FHDC1: variants seen among roughly 807,000 people sequenced by gnomAD.
FHDC1 encodes the protein FH2 domain containing 1, also known as FH2 domain-containing protein 1.
In FHDC1, 25 loss-of-function variants were observed where a neutral mutation model predicts 52.6. The ratio of observed to expected loss-of-function variants is 0.48; its 90% CI spans 0.35 to 0.66. The LOEUF (loss-of-function observed/expected upper bound fraction) is 0.66. Among genes scored for constraint, FHDC1 ranks in the 30% least tolerant of loss-of-function variants. The pLI, the probability that FHDC1 is intolerant of heterozygous loss-of-function variation, is 0.01. For synonymous variants in FHDC1, 616 were observed against 581.5 expected, an observed-to-expected ratio of 1.06 and a Z score of -0.85; for missense variants, 1,459 against 1,452.8, an observed-to-expected ratio of 1.00 and a Z score of -0.07.
intron 1 of FHDC1, among the ~76,000 whole-genome samples, chr4:152,941,392 T>G (rs566834472): frequency 6.6e-6 from 1 of 152,344 alleles, no homozygotes; most frequent in South Asian, 2.1e-4. Flanking sequence ...TAAAGGGAAA[T>G]TATATGCACA....
In FHDC1 at chr4:152,976,915, A is replaced by C; in HGVS notation, c.*192A>C. ...AGCCTGCTGTGCTGAGCCCTGCTGC[A>C]GTCCAGCGTCCAGATGGATGCACGT... On this transcript the variant is annotated 3_prime_UTR_variant, in exon 12 of 12. Transcript: ENST00000511601. 1.6e-6 allele frequency: 1 copy of C among 617,034 alleles called. No individual in the cohort carries two copies. The highest frequency in any genetic ancestry group is 2.5e-6 in the Non-Finnish European group (1 of 400,014). 38.2% of individuals were successfully genotyped at this position (617,034 alleles called of 1,614,324 possible). A position where few individuals can be genotyped will look rare whatever the true frequency, so the allele number is the denominator to read the frequency against.
At chr4:152,963,816 A>G (rs1444537839) in intron 8 of FHDC1, among the ~76,000 whole-genome samples, 4 of 95,538 alleles carry the variant, frequency 4.2e-5, no homozygotes, top group African/African-American at 8.1e-5. Flanking sequence ...CTGGATCTCT[A>G]TAACACCAAA....
chr4:152,932,633 T>C (rs2149929459), upstream of FHDC1, among the ~76,000 whole-genome samples: 1 of 152,320 alleles, frequency 6.6e-6, no homozygotes, highest in Non-Finnish European at 1.5e-5. Flanking sequence ...AAAGATAGCC[T>C]AGAATCTTAA....
intron 2 of FHDC1, among the ~76,000 whole-genome samples, chr4:152,947,810 A>AAGAG (rs3076048): frequency 2.7e-5 from 4 of 150,024 alleles, no homozygotes; most frequent in African/African-American, 4.9e-5. Context: ...AAGACCACAG[A>AAGAG]AGAGAGAGAG....
rs1227733580 is a variant in FHDC1, at chr4:152,974,898, C to G, written c.1607C>G (p.Thr536Ser). 3 of 1,608,648 alleles carry G rather than the reference C, an allele frequency of 1.9e-6. No homozygotes were observed. Among genetic ancestry groups the G allele is most frequent in the Admixed American group, 1.7e-5 (1 of 59,810 alleles). ...PSSPSYRPPN[T>S]RRSRLSLGPS... ...AGCCCCTCCTACCGGCCCCCGAACA[C>G]CCGCCGCTCCCGCCTCTCCCTGGGT... The change falls in exon 12 of 12, where the codon ACC becomes AGC. Residue 536 changes from threonine to serine, a missense_variant. Thr to Ser is a moderately conservative substitution (Grantham distance 58). Around this residue, in one of 3 missense-constraint regions of FHDC1, gnomAD observed 939 missense variants for 854.5 expected, o/e 1.10. Transcript: ENST00000511601.
At position 152,976,227 on chromosome 4, in the gene FHDC1, G is replaced by A. The variant is rs1180844053; in HGVS notation, c.2936G>A (p.Gly979Asp). ...PGRDVPLQPR[G>D]SFKKPSAKPL... ...AGGGACGTTCCCCTGCAGCCCAGGG[G>A]TTCTTTCAAGAAGCCCAGTGCCAAA... is the stretch of plus-strand genomic sequence containing the variant. Residue 979 changes from glycine to aspartate, a missense_variant, in exon 12 of 12, where the codon GGT becomes GAT. By Grantham distance (94) the Gly-to-Asp change is moderately conservative. Around this residue, in one of 3 missense-constraint regions of FHDC1, gnomAD observed 939 missense variants for 854.5 expected, o/e 1.10. Coordinates refer to ENST00000511601, the MANE Select transcript of FHDC1 (RefSeq NM_001371116.1). 1 of 1,613,126 alleles carries A rather than the reference G, an allele frequency of 6.2e-7. No individual in the cohort carries two copies. Among genetic ancestry groups the A allele is most frequent in the Admixed American group, 1.7e-5 (1 of 60,032 alleles).
intron 9 of FHDC1, among the ~76,000 whole-genome samples, chr4:152,966,577 G>A (rs923024199): frequency 2.6e-5 from 4 of 151,758 alleles, no homozygotes; most frequent in Admixed American, 1.3e-4. Context: ...CTCCTGCATC[G>A]GCCTCCCAAG....
the FHDC1 span, among the ~76,000 whole-genome samples, chr4:152,913,688 TA>T: frequency 3.9e-5 from 6 of 152,154 alleles, no homozygotes; most frequent in South Asian, 2.1e-4. Context: ...TTTATTTATT[TA>T]TTTTTTTTGA....
chr4:152,974,619 A>G, intron 11 of FHDC1, 56 bp from the exon 12 acceptor site: 1 of 1,493,228 alleles, frequency 6.7e-7, no homozygotes, highest in Non-Finnish European at 8.9e-7. Flanking sequence ...TGGCTCTGGA[A>G]CTGCACATTG....
intron 4 of FHDC1, among the ~76,000 whole-genome samples, chr4:152,958,556 T>C (rs73863325): frequency 0.04 from 6,144 of 152,292 alleles, 420 homozygotes; most frequent in African/African-American, 0.14. Context: ...AGTTACAGTT[T>C]AGCACATGTT....
chr4:152,921,579 T>A, the FHDC1 span, among the ~76,000 whole-genome samples: 1 of 142,834 alleles, frequency 7.0e-6, no homozygotes, highest in Non-Finnish European at 1.5e-5. Context: ...CCTTCCTTCC[T>A]TCCTTCCTCC....
At chr4:152,962,940 GGTGTGTGTGTGTGTGTGTGTGT>G (rs34181980) in intron 7 of FHDC1, 56 bp downstream of exon 7, 17 of 936,382 alleles carry the variant, frequency 1.8e-5, no homozygotes, top group Non-Finnish European at 2.3e-5. Context: ...TCTATCTAAA[GGTGTGTGTGTGTGTGTGTGTGT>G]GTGTGTGTGT....
At chr4:152,932,267 A>G (rs1739265965), upstream of FHDC1, among the ~76,000 whole-genome samples, 1 of 151,822 alleles carries the variant, frequency 6.6e-6, no homozygotes, top group African/African-American at 2.4e-5. Context: ...ATAAAGTATT[A>G]TTTTTCAGTT....
In FHDC1 at chr4:152,978,213, T is replaced by C. The variant is rs1317656740; in HGVS notation, c.*1490T>C. On this transcript the variant is annotated 3_prime_UTR_variant, in exon 12 of 12. Coordinates refer to ENST00000511601, the MANE Select transcript of FHDC1 (RefSeq NM_001371116.1). ...TCCATTCGTGTGTCTGTTATAAAAC[T>C]GAGTGAAGGCTGCTATGACCTGTGT... is the stretch of plus-strand genomic sequence containing the variant. 6.6e-6 allele frequency: 1 copy of C among 152,268 alleles called. No individual in the cohort carries two copies. The highest frequency in any genetic ancestry group is 1.9e-4 in the East Asian group (1 of 5,206). The allele number at this position is 152,268 out of a possible 1,614,324, so 9.4% of individuals were successfully genotyped here.
At chr4:152,972,663 C>A in intron 11 of FHDC1, 122 bp downstream of exon 11, 3 of 1,177,836 alleles carry the variant, frequency 2.5e-6, no homozygotes, top group Non-Finnish European at 3.5e-6. Context: ...GGACATCTGG[C>A]CCAGGTGGTA....
the FHDC1 span, among the ~76,000 whole-genome samples, chr4:152,930,997 A>ACACACT: frequency 0.017 from 1,914 of 113,072 alleles, 22 homozygotes; most frequent in African/African-American, 0.044. Flanking sequence ...ACACACACAC[A>ACACACT]CTCTCTCTCT....
Position 152,938,905 on chromosome 4 carries a change from A to G in FHDC1, c.-131+2496A>G, listed in dbSNP as rs546163813. 5.6e-3 allele frequency among the ~76,000 whole-genome samples: 844 copies of G among 150,432 alleles called. 2 individuals carry two copies. The highest frequency in any genetic ancestry group is 0.012 in the African/African-American group (513 of 41,086). ...ACCACTCATTCTGAGCACCAGGACCACTGGTGCAGAACCACTCATTCTGAG... is the reference window on the plus strand; with the variant it reads ...ACCACTCATTCTGAGCACCAGGACCGCTGGTGCAGAACCACTCATTCTGAG... On this transcript the variant is annotated intron_variant, in intron 1 of 11. Transcript: ENST00000511601.
chr4:152,912,405 C>A, the FHDC1 span: 1 of 152,164 alleles, frequency 6.6e-6, no homozygotes, highest in Admixed American at 6.5e-5. Context: ...TATACAAGCT[C>A]TATTTTGAAT....
chr4:152,940,690 A>G (rs559022707), intron 1 of FHDC1, among the ~76,000 whole-genome samples: 4 of 152,354 alleles, frequency 2.6e-5, no homozygotes, highest in Admixed American at 1.3e-4. Flanking sequence ...TAACAGGGAT[A>G]ATCTATAAAT....
Sources: allele counts gnomAD v4.1 joint callset (sites outside exome capture counted in the v4.1 genomes callset), GRCh38; gene constraint gnomAD v4.1.1; regional missense constraint gnomAD v4.1.1; transcripts MANE v1.5; gene names NCBI Gene and HGNC (gene_info 2026-07-23, HGNC 2026-07-21).